SYT16: variants seen among roughly 807,000 people sequenced by gnomAD.
SYT16 encodes the protein synaptotagmin-16.
Under a neutral mutation model 61.4 loss-of-function variants are expected in SYT16, and 42 were observed. The observed-to-expected ratio is 0.68, with a 90% CI of 0.53 to 0.89. The LOEUF (loss-of-function observed/expected upper bound fraction) is 0.89, where lower values mean the gene tolerates loss of function less well. Among genes scored for constraint, SYT16 ranks in the 40% least tolerant of loss-of-function variants. The pLI is 0.00. For missense variants in SYT16, 804 were observed against 807.3 expected (o/e 1.00, Z 0.05); for synonymous variants, 314 against 302.3 (o/e 1.04, Z -0.40).
At chr14:62,029,160 G>A (rs1363746021) in intron 3 of SYT16, among the ~76,000 whole-genome samples, 1 of 152,102 alleles carries the variant, frequency 6.6e-6, no homozygotes, top group Non-Finnish European at 1.5e-5. Context: ...AGACAGTCCC[G>A]CTCTGTTGTC....
At chr14:62,006,121 G>A (rs138968958) in intron 3 of SYT16, among the ~76,000 whole-genome samples, 123 of 152,174 alleles carry the variant, frequency 8.1e-4, no homozygotes, top group African/African-American at 2.5e-3. Context: ...TACCCTGAGG[G>A]CCCTATAAAA....
chr14:62,053,366 G>T (rs8017450), intron 3 of SYT16, among the ~76,000 whole-genome samples: 9,020 of 152,208 alleles, frequency 0.059, 325 homozygotes, highest in Middle Eastern at 0.15. Flanking sequence ...ACTCTGACCG[G>T]AACTTACGCT....
intron 2 of SYT16, among the ~76,000 whole-genome samples, chr14:61,982,367 T>G (rs1358377113): frequency 1.3e-5 from 2 of 152,128 alleles, no homozygotes; most frequent in African/African-American, 4.8e-5. Context: ...TCCATGTGAC[T>G]GGGGAGGCCT....
intron 1 of SYT16, among the ~76,000 whole-genome samples, chr14:61,959,573 T>C (rs920903204): frequency 6.6e-6 from 1 of 152,216 alleles, no homozygotes; most frequent in African/African-American, 2.4e-5. Flanking sequence ...TTTCTTGGTA[T>C]GTTATGTTTT....
Position 62,105,352 on chromosome 14 carries a change from A to C in SYT16, c.*4645A>C, listed in dbSNP as rs1399625491. On this transcript the variant is annotated 3_prime_UTR_variant, in exon 8 of 8. Coordinates refer to ENST00000683842, the MANE Select transcript of SYT16 (RefSeq NM_001367656.1). ...ACTACATATTTCAACTGTGATCCAA[A>C]AAAGTAAAATAAATGATGTGATACT... 6.6e-6 allele frequency: 1 copy of C among 152,216 alleles called. No homozygotes were observed. Among genetic ancestry groups the C allele is most frequent in the Non-Finnish European group, 1.5e-5 (1 of 68,042 alleles). The allele number at this position is 152,216 out of a possible 1,614,324, so 9.4% of individuals were successfully genotyped here.
chr14:61,851,324 G>A (rs2046612850), intron 1 of SYT16, among the ~76,000 whole-genome samples: 1 of 152,166 alleles, frequency 6.6e-6, no homozygotes, highest in Non-Finnish European at 1.5e-5. Flanking sequence ...TGGGCATTTA[G>A]GTTGACTCCA....
rs1400040096 is a variant in SYT16 at position 61,980,687 on chromosome 14, C to T, written c.-145+10376C>T. ...GAAAAAGAGAGTTGTAGTCCCTACT[C>T]TCTTAGAAATTACATGCTTTTGGTG... is the stretch of plus-strand genomic sequence containing the variant. On this transcript the variant is annotated intron_variant, in intron 2 of 7. Coordinates refer to ENST00000683842, the MANE Select transcript of SYT16 (RefSeq NM_001367656.1). Among the ~76,000 whole-genome samples the T allele has an allele frequency of 3.9e-5, 6 of 152,188 alleles. No individual in the cohort carries two copies. The East Asian group carries it at 1.2e-3, about 29-fold the overall frequency.
intron 3 of SYT16, among the ~76,000 whole-genome samples, chr14:62,038,702 T>C (rs546348840): frequency 6.6e-6 from 1 of 152,260 alleles, no homozygotes; most frequent in South Asian, 2.1e-4. Flanking sequence ...ATTTGTACTT[T>C]GTGTTGACCC....
chr14:62,045,165 A>G (rs868595147), intron 3 of SYT16, among the ~76,000 whole-genome samples: 5 of 152,016 alleles, frequency 3.3e-5, no homozygotes, highest in South Asian at 2.1e-4. Context: ...AATAAATAAA[A>G]TAAATTTTGT....
chr14:62,010,502 A>T (rs534256930), intron 3 of SYT16, among the ~76,000 whole-genome samples: 27 of 152,200 alleles, frequency 1.8e-4, no homozygotes, highest in African/African-American at 6.5e-4. Flanking sequence ...TGGGGTGAGG[A>T]GTGTTTTGGT....
At chr14:61,872,747 C>T (rs2047368285) in intron 1 of SYT16, among the ~76,000 whole-genome samples, 2 of 152,224 alleles carry the variant, frequency 1.3e-5, no homozygotes, top group African/African-American at 2.4e-5. Flanking sequence ...TTGGGGAATA[C>T]AGACGTTGGT....
intron 1 of SYT16, among the ~76,000 whole-genome samples, chr14:61,939,151 A>C (rs1333150559): frequency 6.6e-6 from 1 of 152,136 alleles, no homozygotes; most frequent in African/African-American, 2.4e-5. Context: ...AAACAAAAAC[A>C]AAAAAACCAA....
At chr14:62,061,753 G>A (rs1399204220) in intron 3 of SYT16, among the ~76,000 whole-genome samples, 2 of 151,886 alleles carry the variant, frequency 1.3e-5, no homozygotes, top group Non-Finnish European at 2.9e-5. Flanking sequence ...GGAGGAAGAC[G>A]TAACAAACTA....
At chr14:61,940,095 A>G (rs748661105) in intron 1 of SYT16, among the ~76,000 whole-genome samples, 3 of 152,206 alleles carry the variant, frequency 2.0e-5, no homozygotes, top group Non-Finnish European at 4.4e-5. Flanking sequence ...ATGTGAGGAA[A>G]TCTCTGAAGA....
intron 1 of SYT16, among the ~76,000 whole-genome samples, chr14:61,833,628 C>T (rs1180195678): frequency 6.7e-6 from 1 of 149,062 alleles, no homozygotes; most frequent in African/African-American, 2.5e-5. Flanking sequence ...CCATGTTGGC[C>T]AGGCTGGTCT....
intron 3 of SYT16, among the ~76,000 whole-genome samples, chr14:62,011,054 A>C (rs936014748): frequency 6.6e-6 from 1 of 152,186 alleles, no homozygotes; most frequent in African/African-American, 2.4e-5. Context: ...CTTAGCCATA[A>C]AGTGACATAG....
At chr14:62,050,556 T>C (rs534022418) in intron 3 of SYT16, among the ~76,000 whole-genome samples, 2 of 152,324 alleles carry the variant, frequency 1.3e-5, no homozygotes, top group Admixed American at 6.5e-5. Context: ...CTCCGAATTT[T>C]AGAGTTTGCA....
chr14:62,042,514 G>C (rs994086522), intron 3 of SYT16, among the ~76,000 whole-genome samples: 2 of 152,160 alleles, frequency 1.3e-5, no homozygotes, highest in Non-Finnish European at 2.9e-5. Flanking sequence ...AAATCTTTCT[G>C]AAGAGTTTAC....
intron 3 of SYT16, among the ~76,000 whole-genome samples, chr14:62,057,377 T>C (rs759970320): frequency 6.6e-6 from 1 of 152,114 alleles, no homozygotes; most frequent in Non-Finnish European, 1.5e-5. Context: ...TCAGAGTTAG[T>C]TGGGTTTGAC....
Sources: gnomAD v4.1 joint callset for allele counts (sites outside exome capture counted in the v4.1 genomes callset) on GRCh38, gnomAD v4.1.1 for gene constraint, MANE v1.5 for transcripts, NCBI Gene and HGNC (gene_info 2026-07-23, HGNC 2026-07-21) for gene names.